The following ARHGAP27 variants were observed in gnomAD, a reference collection of about 807,000 sequenced individuals.
ARHGAP27 encodes rho GTPase-activating protein 27.
In ARHGAP27, 53 loss-of-function variants were observed where a neutral mutation model predicts 102.0. The ratio of observed to expected loss-of-function variants is 0.52; its 90% CI spans 0.42 to 0.65. The LOEUF (loss-of-function observed/expected upper bound fraction) is 0.65. ARHGAP27 is among the 30% of genes least tolerant of loss of function. The probability of loss-of-function intolerance (pLI) is 0.00; values close to 1 mark genes in which losing one functional copy is unlikely to be tolerated. For missense variants in ARHGAP27, 1,117 were observed against 1,256.2 expected, an observed-to-expected ratio of 0.89 and a Z score of 1.68; for synonymous variants, 525 against 542.8, an observed-to-expected ratio of 0.97 and a Z score of 0.46.
At position 45,430,388 on chromosome 17, in the gene ARHGAP27, G is replaced by A; in HGVS notation, c.-18-91C>T. 2.7e-6 allele frequency: 4 copies of A among 1,460,192 alleles called. No homozygotes were observed. Among genetic ancestry groups the A allele is most frequent in the Non-Finnish European group, 3.6e-6 (4 of 1,115,172 alleles). 90.5% of individuals were successfully genotyped at this position (1,460,192 alleles called of 1,614,324 possible). ...GGGGACAGACTTGGGTTCGAGTCCC[G>A]ATCCTGCACTCGCCGTTCGCCTTCG... On this transcript the variant is annotated intron_variant, in intron 3 of 19. Transcript: ENST00000685559. The surrounding 1 kb of genome is among the most constrained non-coding windows in gnomAD (Gnocchi z 4.4).
Position 45,406,035 on chromosome 17 carries a change from G to C in ARHGAP27, c.706C>G (p.Arg236Gly). The change falls in exon 5 of 20, where the codon CGG becomes GGG. Residue 236 changes from arginine (R) to glycine (G), a missense_variant. Physicochemically the swap from Arg to Gly is moderately radical, Grantham distance 125. Around this residue, in one of 3 missense-constraint regions of ARHGAP27, gnomAD observed 610 missense variants for 716.4 expected, o/e 0.85. Coordinates refer to ENST00000685559, the MANE Select transcript of ARHGAP27 (RefSeq NM_001282290.2). Reference sequence around the variant, plus strand: ...GCAGCGGCGCCCGGTGAAGTGGCCCGGGGCTGCCTCTCTATGTTCGCGTAC... The same window carrying C: ...GCAGCGGCGCCCGGTGAAGTGGCCCCGGGCTGCCTCTCTATGTTCGCGTAC... ...PVYANIERQP[R>G]ATSPGAAAAP... 1 of 1,534,038 alleles carries C rather than the reference G, an allele frequency of 6.5e-7. No homozygotes were observed. The highest frequency in any genetic ancestry group is 2.0e-5 in the Admixed American group (1 of 50,896).
At position 45,427,416 on chromosome 17, in the gene ARHGAP27, G is replaced by T. The variant is rs1287907993; in HGVS notation, c.657+2207C>A. Among the ~76,000 whole-genome samples the T allele has an allele frequency of 1.3e-5, 2 of 152,240 alleles. No individual in the cohort carries two copies. Among genetic ancestry groups the T allele is most frequent in the Non-Finnish European group, 1.5e-5 (1 of 68,056 alleles). ...AGAGGGTGAGTCCCCCAGGATCGTG[G>T]CTGTGCCTCAGTCCTCTCCAGATCC... On this transcript the variant is annotated intron_variant, in intron 4 of 19. Transcript: ENST00000685559. This position sits in a 1 kb window ranked among gnomAD's most constrained non-coding sequence, Gnocchi z 4.5.
Position 45,430,071 on chromosome 17 carries a change from A to T in ARHGAP27, c.209T>A (p.Leu70Gln). ...PAQYVRELPA[L>Q]GNPAAAAPPG... is the part of the protein sequence containing the mutation. ...CGGCGCGGCGGCGGCAGGGTTGCCC[A>T]GCGCGGGCAGCTCGCGCACGTACTG... is the stretch of plus-strand genomic sequence containing the variant. The change falls in exon 4 of 20, where the codon CTG becomes CAG. Residue 70 changes from leucine (L) to glutamine (Q), a missense_variant. Physicochemically the swap from Leu to Gln is moderately radical, Grantham distance 113. Around this residue, in one of 3 missense-constraint regions of ARHGAP27, gnomAD observed 610 missense variants for 716.4 expected, o/e 0.85. Coordinates refer to ENST00000685559, the MANE Select transcript of ARHGAP27 (RefSeq NM_001282290.2). This position sits in a 1 kb window ranked among gnomAD's most constrained non-coding sequence, Gnocchi z 4.4. The T allele has an allele frequency of 7.4e-7, 1 of 1,357,642 alleles. No homozygotes were observed. The highest frequency in any genetic ancestry group is 9.4e-7 in the Non-Finnish European group (1 of 1,062,322). The allele number at this position is 1,357,642 out of a possible 1,614,324, so 84.1% of individuals were successfully genotyped here. A position where few individuals can be genotyped will look rare whatever the true frequency, so the allele number is the denominator to read the frequency against.
intron 4 of ARHGAP27, among the ~76,000 whole-genome samples, chr17:45,410,679 C>T (rs532887738): frequency 2.6e-5 from 4 of 151,922 alleles, no homozygotes; most frequent in South Asian, 2.1e-4. Flanking sequence ...GGGAGGGGCG[C>T]GCTTGCACAG....
chr17:45,404,995 G>A lies in ARHGAP27; in HGVS notation c.1177C>T (p.Pro393Ser), dbSNP rs1232830635. 3.1e-6 allele frequency: 5 copies of A among 1,614,136 alleles called. No individual in the cohort carries two copies. The highest frequency in any genetic ancestry group is 1.7e-5 in the Admixed American group (1 of 60,014). ...EPGPTSPLTTPPGWSCHVSQD... is the reference protein window; with the variant it reads ...EPGPTSPLTTSPGWSCHVSQD... ...CTGACATGACAAGACCAGCCGGGGGGTGTGGTCAAGGGAGAGGTAGGGCCG... is the reference window on the plus strand; with the variant it reads ...CTGACATGACAAGACCAGCCGGGGGATGTGGTCAAGGGAGAGGTAGGGCCG... Residue 393 changes from proline to serine, a missense_variant, in exon 6 of 20, where the codon CCC (proline) becomes TCC (serine). Pro to Ser is a moderately conservative substitution (Grantham distance 74). Transcript: ENST00000685559.
In ARHGAP27 at chr17:45,395,608, G is replaced by A. The variant is rs2045507140; in HGVS notation, c.2518C>T (p.Arg840Cys). 2 of 1,607,354 alleles carry A rather than the reference G, an allele frequency of 1.2e-6. No individual in the cohort carries two copies. The highest frequency in any genetic ancestry group is 1.7e-6 in the Non-Finnish European group (2 of 1,177,270). Reference protein sequence around the residue: ...CRVIEHGEQNRMSVQSVAIVF... With the variant: ...CRVIEHGEQNCMSVQSVAIVF... Reference sequence around the variant, plus strand: ...ATGGCCACGCTCTGCACCGACATGCGGTTCTGCTCGCCGTGCTCGATCACC... The same window carrying A: ...ATGGCCACGCTCTGCACCGACATGCAGTTCTGCTCGCCGTGCTCGATCACC... Residue 840 changes from arginine (R) to cysteine (C), a missense_variant, in exon 20 of 20, where the codon CGC becomes TGC. Arg to Cys is a radical substitution (Grantham distance 180). Around this residue, in one of 3 missense-constraint regions of ARHGAP27, gnomAD observed 493 missense variants for 505.5 expected, o/e 0.98. Coordinates refer to ENST00000685559, the MANE Select transcript of ARHGAP27 (RefSeq NM_001282290.2).
At chr17:45,404,722 T>C in intron 6 of ARHGAP27, 41 bp from the exon 7 acceptor site, 2 of 1,586,852 alleles carry the variant, frequency 1.3e-6, no homozygotes, top group Non-Finnish European at 8.6e-7. Context: ...GCCCAGCTTA[T>C]GAGAGGGGAG....
chr17:45,429,237 T>C, intron 4 of ARHGAP27: 2 of 486,288 alleles, frequency 4.1e-6, no homozygotes, highest in Non-Finnish European at 7.0e-6. Flanking sequence ...GTAGGTTATA[T>C]AACCTCCCAG....
In ARHGAP27 at chr17:45,396,045, A is replaced by G; in HGVS notation, c.2324T>C (p.Phe775Ser). The G allele has an allele frequency of 6.2e-7, 1 of 1,613,922 alleles. No individual in the cohort carries two copies. The part of the protein sequence containing the change: ...HVITGALKLF[F>S]RELPEPLFPF... ...GAAGAGGGGCTCGGGCAGCTCCCGA[A>G]AGAAGAGCTTCAGGGCTCCGGTGAT... The change falls in exon 18 of 20, where the codon TTT (phenylalanine) becomes TCT (serine). Residue 775 changes from phenylalanine to serine, a missense_variant. This residue lies in a region of ARHGAP27 where 493 missense variants were observed against 505.5 expected (regional missense o/e 0.98). Coordinates refer to ENST00000685559, the MANE Select transcript of ARHGAP27 (RefSeq NM_001282290.2).
At position 45,395,140 on chromosome 17, in the gene ARHGAP27, A is replaced by G. The variant is rs151188648; in HGVS notation, c.*316T>C. 2.8e-3 allele frequency: 1,193 copies of G among 421,328 alleles called. 15 individuals carry two copies. Among genetic ancestry groups the G allele is most frequent in the African/African-American group, 0.023 (1,131 of 48,840 alleles). The allele number at this position is 421,328 out of a possible 1,614,324, so 26.1% of individuals were successfully genotyped here. ...CCTCCCAGCACCTACCATTCCAGAA[A>G]ACAAACTCTCACCCCCACACACGCT... On this transcript the variant is annotated 3_prime_UTR_variant, in exon 20 of 20. Transcript: ENST00000685559.
At chr17:45,418,626 G>T (rs1328503483) in intron 4 of ARHGAP27, among the ~76,000 whole-genome samples, 1 of 152,004 alleles carries the variant, frequency 6.6e-6, no homozygotes, top group Non-Finnish European at 1.5e-5. Flanking sequence ...ACTTAAACAC[G>T]CCCTGTTTCC....
At chr17:45,418,429 C>T (rs2144863294) in intron 4 of ARHGAP27, among the ~76,000 whole-genome samples, 1 of 151,906 alleles carries the variant, frequency 6.6e-6, no homozygotes, top group Non-Finnish European at 1.5e-5. Flanking sequence ...GTGATCGCAC[C>T]ACTGCACTCC....
chr17:45,429,157 C>G (rs908506068), intron 4 of ARHGAP27, among the ~76,000 whole-genome samples: 4 of 152,238 alleles, frequency 2.6e-5, no homozygotes, highest in African/African-American at 9.6e-5. Flanking sequence ...TCCCCCGTTC[C>G]GTGCCCAGAT....
chr17:45,425,118 C>T (rs897503821), intron 4 of ARHGAP27, among the ~76,000 whole-genome samples: 1 of 151,946 alleles, frequency 6.6e-6, no homozygotes, highest in Admixed American at 6.5e-5. Context: ...CCTAGGCAGG[C>T]AGAGGGGCTC....
rs944832019 is a variant in ARHGAP27, at chr17:45,405,990, C to G, written c.751G>C (p.Val251Leu). Reference protein sequence around the residue: ...GAAAAPLPSPVWETHTDAGTG... With the variant: ...GAAAAPLPSPLWETHTDAGTG... ...CCCGCGTCCGTGTGCGTCTCCCACA[C>G]CGGGCTGGGAAGGGGGGCTGCAGCG... Residue 251 changes from valine to leucine, a missense_variant, in exon 5 of 20, where the codon GTG becomes CTG. This residue lies in a region of ARHGAP27 where 610 missense variants were observed against 716.4 expected (regional missense o/e 0.85). Transcript: ENST00000685559. The G allele has an allele frequency of 2.0e-6, 3 of 1,535,804 alleles. No homozygotes were observed. The highest frequency in any genetic ancestry group is 2.6e-6 in the Non-Finnish European group (3 of 1,146,748).
Position 45,430,472 on chromosome 17 carries a change from C to T in ARHGAP27, c.-18-175G>A, listed in dbSNP as rs2049975620. ...TGCATAAAATCACATGTAAGGCTTC[C>T]ATTCTTACACTCAGTGCTGGAATTA... On this transcript the variant is annotated intron_variant, in intron 3 of 19. Transcript: ENST00000685559. This position sits in a 1 kb window ranked among gnomAD's most constrained non-coding sequence, Gnocchi z 4.4. 6.6e-6 allele frequency among the ~76,000 whole-genome samples: 1 copy of T among 152,182 alleles called. No individual in the cohort carries two copies. Among genetic ancestry groups the T allele is most frequent in the African/African-American group, 2.4e-5 (1 of 41,440 alleles).
intron 4 of ARHGAP27, among the ~76,000 whole-genome samples, chr17:45,423,207 C>T (rs138702687): frequency 1.4e-3 from 210 of 152,142 alleles, no homozygotes; most frequent in Non-Finnish European, 2.5e-3. Flanking sequence ...AAAGAAAATA[C>T]GCATTTTTCT....
chr17:45,408,185 T>C (rs62064637), intron 4 of ARHGAP27: 2 of 151,012 alleles, frequency 1.3e-5, no homozygotes, highest in East Asian at 3.9e-4. Flanking sequence ...ACCAAAACAA[T>C]GAAAAGAAGA....
chr17:45,411,622 AC>A (rs1313994281), intron 4 of ARHGAP27, among the ~76,000 whole-genome samples: 3 of 151,828 alleles, frequency 2.0e-5, no homozygotes, highest in African/African-American at 7.3e-5. Flanking sequence ...AAGCTCTCAT[AC>A]CAGTGTCCCA....
Sources: gnomAD v4.1 joint callset for allele counts (sites outside exome capture counted in the v4.1 genomes callset) on GRCh38, gnomAD v4.1.1 for gene constraint, gnomAD v4.1.1 regional missense constraint, Gnocchi (gnomAD v3.1) non-coding constraint, MANE v1.5 for transcripts, NCBI Gene and HGNC (gene_info 2026-07-23, HGNC 2026-07-21) for gene names.